The following CCBE1 variants were observed in gnomAD, a reference collection of about 807,000 sequenced individuals.
CCBE1 encodes the protein collagen and calcium binding EGF domains 1.
A neutral mutation model predicts 50.0 loss-of-function variants in CCBE1; 37 were observed. The observed-to-expected ratio is 0.74, with a 90% confidence interval of 0.57 to 0.97. The LOEUF is 0.97. Among genes scored for constraint, CCBE1 ranks in the 50% least tolerant of loss-of-function variants. The pLI is 0.00. For missense variants in CCBE1, 538 were observed against 523.8 expected, an observed-to-expected ratio of 1.03 and a Z score of -0.26; for synonymous variants, 234 against 203.7, an observed-to-expected ratio of 1.15 and a Z score of -1.27.
chr18:59,583,923 A>G (rs2053134094), intron 2 of CCBE1, among the ~76,000 whole-genome samples: 1 of 152,168 alleles, frequency 6.6e-6, no homozygotes, highest in South Asian at 2.1e-4. Context: ...TAGTTCAACC[A>G]TTGTGGAAGT....
rs200974142 is a variant in CCBE1 at position 59,684,448 on chromosome 18, C to CA, written c.212+12180dup. Reference sequence around the variant, plus strand: ...TGGGTGATAGAGTGGGACTCTGTCTCAAAAAAAAAAATTCTCCATTACTAT... The same window carrying CA: ...TGGGTGATAGAGTGGGACTCTGTCTCAAAAAAAAAAAATTCTCCATTACTAT... On this transcript the variant is annotated intron_variant, in intron 2 of 10. Coordinates refer to ENST00000439986, the MANE Select transcript of CCBE1 (RefSeq NM_133459.4). Among the ~76,000 whole-genome samples the CA allele has an allele frequency of 2.4e-3, 353 of 146,964 alleles. 3 individuals carry two copies. The highest frequency in any genetic ancestry group is 4.0e-3 in the Admixed American group (59 of 14,816).
At chr18:59,616,945 G>C (rs2053644696) in intron 2 of CCBE1, among the ~76,000 whole-genome samples, 1 of 152,116 alleles carries the variant, frequency 6.6e-6, no homozygotes, top group South Asian at 2.1e-4. Context: ...GATACTGCCT[G>C]TCATGCCTGC....
At chr18:59,605,956 G>T (rs563650574) in intron 2 of CCBE1, among the ~76,000 whole-genome samples, 1 of 152,274 alleles carries the variant, frequency 6.6e-6, no homozygotes, top group Non-Finnish European at 1.5e-5. Context: ...TCTACCAAGA[G>T]AAATCGCGAT....
chr18:59,606,893 A>ATGTTTC (rs2053505686), intron 2 of CCBE1, among the ~76,000 whole-genome samples: 1 of 152,166 alleles, frequency 6.6e-6, no homozygotes, highest in African/African-American at 2.4e-5. Flanking sequence ...TTCTTGGTTC[A>ATGTTTC]TGCTTCTGCT....
chr18:59,517,738 C>G (rs1195001802), intron 2 of CCBE1, among the ~76,000 whole-genome samples: 1 of 152,112 alleles, frequency 6.6e-6, no homozygotes, highest in Non-Finnish European at 1.5e-5. Flanking sequence ...AGCAAGTTTT[C>G]AGAGCACCGA....
rs76451228 is a variant in CCBE1 at position 59,635,178 on chromosome 18, C to T, written c.212+61451G>A. 9.0e-3 allele frequency among the ~76,000 whole-genome samples: 1,365 copies of T among 152,300 alleles called. 9 individuals are homozygous for T. Among genetic ancestry groups the T allele is most frequent in the Non-Finnish European group, 0.014 (954 of 68,036 alleles). Reference sequence around the variant, plus strand: ...TTTTGATATTAGACTTTTGCAGCTACAAATGGAGGCCAGATGACAATGAAA... The same window carrying T: ...TTTTGATATTAGACTTTTGCAGCTATAAATGGAGGCCAGATGACAATGAAA... On this transcript the variant is annotated intron_variant, in intron 2 of 10. Transcript: ENST00000439986.
chr18:59,438,426 C>T (rs112794598), intron 9 of CCBE1, among the ~76,000 whole-genome samples: 2 of 152,170 alleles, frequency 1.3e-5, no homozygotes, highest in African/African-American at 4.8e-5. Flanking sequence ...GAGTAACAAA[C>T]TTTCTGAAGT....
intron 2 of CCBE1, among the ~76,000 whole-genome samples, chr18:59,656,809 C>T (rs955863685): frequency 6.6e-6 from 1 of 152,160 alleles, no homozygotes; most frequent in African/African-American, 2.4e-5. Flanking sequence ...ATGACCACAA[C>T]CGTTGGTTAC....
At chr18:59,444,101 T>C (rs1910567064) in intron 7 of CCBE1, among the ~76,000 whole-genome samples, 1 of 152,206 alleles carries the variant, frequency 6.6e-6, no homozygotes, top group Non-Finnish European at 1.5e-5. Context: ...AATATTCCAT[T>C]GTAAGTGTAT....
At chr18:59,525,426 T>C (rs898433526) in intron 2 of CCBE1, among the ~76,000 whole-genome samples, 3 of 152,232 alleles carry the variant, frequency 2.0e-5, no homozygotes, top group Non-Finnish European at 4.4e-5. Flanking sequence ...AGATTTTTTT[T>C]CCTGTAGATT....
chr18:59,623,420 A>G lies in CCBE1; in HGVS notation c.212+73209T>C, dbSNP rs1426414598. Among the ~76,000 whole-genome samples the G allele has an allele frequency of 4.6e-5, 7 of 152,178 alleles. 1 individual carries two copies. Among genetic ancestry groups the G allele is most frequent in the Non-Finnish European group, 1.0e-4 (7 of 68,040 alleles). ...GTCAGGGCACTTATCCAAGACACCA[A>G]ATTGTCAGATGGCAGAGCAAACATT... On this transcript the variant is annotated intron_variant, in intron 2 of 10. Transcript: ENST00000439986.
chr18:59,618,799 G>C (rs1259311692), intron 2 of CCBE1, among the ~76,000 whole-genome samples: 1 of 152,002 alleles, frequency 6.6e-6, no homozygotes, highest in Non-Finnish European at 1.5e-5. Flanking sequence ...AGGATAAGAG[G>C]AAGTGCTCAG....
intron 2 of CCBE1, among the ~76,000 whole-genome samples, chr18:59,603,951 T>A (rs1006699258): frequency 6.6e-6 from 1 of 152,212 alleles, no homozygotes; most frequent in African/African-American, 2.4e-5. Flanking sequence ...GCCTTTGTAG[T>A]GCTGTTGTAA....
chr18:59,435,786 A>C lies in CCBE1; in HGVS notation c.*122T>G. The C allele has an allele frequency of 1.1e-6, 1 of 890,690 alleles. No individual in the cohort carries two copies. The highest frequency in any genetic ancestry group is 1.3e-5 in the South Asian group (1 of 75,286). 55.2% of individuals were successfully genotyped at this position (890,690 alleles called of 1,614,324 possible). On this transcript the variant is annotated 3_prime_UTR_variant, in exon 11 of 11. Coordinates refer to ENST00000439986, the MANE Select transcript of CCBE1 (RefSeq NM_133459.4). Reference sequence around the variant, plus strand: ...GGAAGAAGAGGAGTGGAGAGACGTCAGGAGAAGAGAAGAGAAAAATGTATG... The same window carrying C: ...GGAAGAAGAGGAGTGGAGAGACGTCCGGAGAAGAGAAGAGAAAAATGTATG...
chr18:59,448,380 A>G (rs1910781283), intron 6 of CCBE1, among the ~76,000 whole-genome samples: 1 of 152,168 alleles, frequency 6.6e-6, no homozygotes, highest in African/African-American at 2.4e-5. Context: ...TATTACCATA[A>G]TTAATGGGAT....
chr18:59,571,466 G>T (rs866842088), intron 2 of CCBE1, among the ~76,000 whole-genome samples: 1 of 144,842 alleles, frequency 6.9e-6, no homozygotes, highest in Non-Finnish European at 1.5e-5. Flanking sequence ...ATCACACACC[G>T]GGGACTTTTG....
chr18:59,634,367 TA>T (rs2053890391), intron 2 of CCBE1, among the ~76,000 whole-genome samples: 2 of 152,226 alleles, frequency 1.3e-5, no homozygotes, highest in South Asian at 4.1e-4. Context: ...GGACTGCATT[TA>T]GACTAAATGC....
At chr18:59,676,761 G>C (rs1366656080) in intron 2 of CCBE1, among the ~76,000 whole-genome samples, 1 of 152,210 alleles carries the variant, frequency 6.6e-6, no homozygotes, top group African/African-American at 2.4e-5. Context: ...AGATAGGGAT[G>C]GAGGGAAGTG....
intron 2 of CCBE1, among the ~76,000 whole-genome samples, chr18:59,528,059 T>C (rs900105507): frequency 6.6e-6 from 1 of 152,242 alleles, no homozygotes; most frequent in Admixed American, 6.5e-5. Context: ...CTGGATGATA[T>C]CCTGGAGTAT....
Sources: gnomAD v4.1 joint callset for allele counts (sites outside exome capture counted in the v4.1 genomes callset) on GRCh38, gnomAD v4.1.1 for gene constraint, MANE v1.5 for transcripts, NCBI Gene and HGNC (gene_info 2026-07-23, HGNC 2026-07-21) for gene names.